The following MCC variants were observed in gnomAD, a reference collection of about 807,000 sequenced individuals.
The protein encoded by MCC is colorectal mutant cancer protein.
Under a neutral mutation model 116.2 loss-of-function variants are expected in MCC, and 90 were observed. The ratio of observed to expected loss-of-function variants is 0.77; its 90% CI spans 0.65 to 0.92. MCC has a LOEUF of 0.92. Among genes scored for constraint, MCC ranks in the 40% least tolerant of loss-of-function variants. The pLI is 0.00. For synonymous variants in MCC, 578 were observed against 510.5 expected (o/e 1.13, Z -1.78); for missense variants, 1,516 against 1,312.2 (o/e 1.16, Z -2.40).
At chr5:113,285,217 A>G (rs186139842) in intron 3 of MCC, among the ~76,000 whole-genome samples, 2 of 152,258 alleles carry the variant, frequency 1.3e-5, no homozygotes, top group East Asian at 3.9e-4. Flanking sequence ...GCCAAAGGAG[A>G]GGCATCTGAC....
At position 113,485,751 on chromosome 5, in the gene MCC, A is replaced by G. The variant is rs536127826; in HGVS notation, c.170+2494T>C. On this transcript the variant is annotated intron_variant, in intron 1 of 18. Coordinates refer to ENST00000408903, the MANE Select transcript of MCC (RefSeq NM_001085377.2). Reference sequence around the variant, plus strand: ...CCTACCTCCAGATTTCTACTAGGTGACAAAGCCAACCCTTACTTGACTATG... The same window carrying G: ...CCTACCTCCAGATTTCTACTAGGTGGCAAAGCCAACCCTTACTTGACTATG... Among the ~76,000 whole-genome samples the G allele has an allele frequency of 2.6e-5, 4 of 152,340 alleles. No individual in the cohort carries two copies. In the East Asian group the frequency reaches 5.8e-4, roughly 22 times the overall value.
chr5:113,469,642 A>G (rs1156648339), intron 1 of MCC, among the ~76,000 whole-genome samples: 1 of 152,198 alleles, frequency 6.6e-6, no homozygotes, highest in East Asian at 1.9e-4. Context: ...TGTGGTGCTG[A>G]AAAGAATGTA....
At chr5:113,063,041 C>G (rs1335196146) in intron 14 of MCC, among the ~76,000 whole-genome samples, 3 of 152,182 alleles carry the variant, frequency 2.0e-5, no homozygotes, top group African/African-American at 7.2e-5. Flanking sequence ...TGCTAAGATC[C>G]CGGGTTCCCA....
intron 3 of MCC, among the ~76,000 whole-genome samples, chr5:113,221,501 A>C (rs1763551052): frequency 6.6e-6 from 1 of 152,246 alleles, no homozygotes; most frequent in African/African-American, 2.4e-5. Flanking sequence ...CTAACAAATT[A>C]GTCATAAGAT....
intron 3 of MCC, among the ~76,000 whole-genome samples, chr5:113,205,217 A>G (rs1473581111): frequency 6.6e-6 from 1 of 152,192 alleles, no homozygotes; most frequent in Non-Finnish European, 1.5e-5. Flanking sequence ...GGGCTGATGC[A>G]GTGAGAAGAG....
At chr5:113,463,948 G>T (rs1032113813) in intron 1 of MCC, among the ~76,000 whole-genome samples, 4 of 152,184 alleles carry the variant, frequency 2.6e-5, no homozygotes, top group Non-Finnish European at 5.9e-5. Flanking sequence ...GAGCCAAAGA[G>T]GTGGGAGAAC....
intron 18 of MCC, among the ~76,000 whole-genome samples, chr5:113,027,727 T>A (rs904939022): frequency 6.6e-6 from 1 of 152,068 alleles, no homozygotes; most frequent in East Asian, 1.9e-4. Flanking sequence ...GGCTGGTCAC[T>A]CTCACATATT....
chr5:113,474,649 G>A (rs1404744283), intron 1 of MCC, among the ~76,000 whole-genome samples: 1 of 152,198 alleles, frequency 6.6e-6, no homozygotes, highest in African/African-American at 2.4e-5. Flanking sequence ...TCAGTGCCGA[G>A]AGTCCTGGAG....
chr5:113,414,844 G>A (rs976606872), intron 1 of MCC, among the ~76,000 whole-genome samples: 4 of 152,182 alleles, frequency 2.6e-5, no homozygotes, highest in Non-Finnish European at 5.9e-5. Flanking sequence ...GTTAGTTGAT[G>A]CAGTTTCTTC....
At position 113,071,207 on chromosome 5, in the gene MCC, A is replaced by C; in HGVS notation, c.1812T>G (p.Asn604Lys). 1 of 1,614,118 alleles carries C rather than the reference A, an allele frequency of 6.2e-7. No homozygotes were observed. Among genetic ancestry groups the C allele is most frequent in the Non-Finnish European group, 8.5e-7 (1 of 1,180,010 alleles). The change falls in exon 12 of 19, where the codon AAT becomes AAG. Residue 604 changes from asparagine to lysine, a missense_variant. Physicochemically the swap from Asn to Lys is moderately conservative, Grantham distance 94. Coordinates refer to ENST00000408903, the MANE Select transcript of MCC (RefSeq NM_001085377.2). ...CCTCCAAGGTTATGGTCAGGAGGTC[A>C]TTTTGGGATTTGAGGTGCTCAATCC... ...NSRIEHLKSQNDLLTITLEEC... is the reference protein window; with the variant it reads ...NSRIEHLKSQKDLLTITLEEC...
intron 3 of MCC, chr5:113,295,020 TG>T (rs950542609): frequency 3.6e-4 from 335 of 928,930 alleles, no homozygotes; most frequent in Admixed American, 6.2e-4. Flanking sequence ...GAGAAAAGGG[TG>T]GGGGCGAGTA....
At chr5:113,472,408 A>G (rs1772118992) in intron 1 of MCC, among the ~76,000 whole-genome samples, 1 of 152,202 alleles carries the variant, frequency 6.6e-6, no homozygotes, top group Non-Finnish European at 1.5e-5. Flanking sequence ...CCTTTTCCTG[A>G]ACCTTCCTAA....
At chr5:113,052,623 T>C (rs1416066918) in intron 15 of MCC, among the ~76,000 whole-genome samples, 1 of 152,126 alleles carries the variant, frequency 6.6e-6, no homozygotes. Context: ...CCAGCTCCCC[T>C]CCACTCTCCA....
At chr5:113,309,878 C>A (rs1767095369) in intron 3 of MCC, among the ~76,000 whole-genome samples, 1 of 150,560 alleles carries the variant, frequency 6.6e-6, no homozygotes, top group South Asian at 2.1e-4. Context: ...CCCTTCCCCC[C>A]TTCCTTTCTT....
At chr5:113,052,564 G>A (rs1217522134) in intron 15 of MCC, among the ~76,000 whole-genome samples, 1 of 152,176 alleles carries the variant, frequency 6.6e-6, no homozygotes, top group Non-Finnish European at 1.5e-5. Context: ...CCAAGGACAG[G>A]GCTGTGCTGA....
intron 13 of MCC, among the ~76,000 whole-genome samples, chr5:113,064,623 C>T (rs1753460871): frequency 6.6e-6 from 1 of 152,124 alleles, no homozygotes; most frequent in South Asian, 2.1e-4. Flanking sequence ...TGGTTAGAGC[C>T]CTGTGTGGGG....
chr5:113,036,546 T>C (rs1331035276), intron 17 of MCC, among the ~76,000 whole-genome samples: 2 of 152,250 alleles, frequency 1.3e-5, no homozygotes, highest in African/African-American at 2.4e-5. Flanking sequence ...AATGAGGTTC[T>C]GCAGGTATGT....
At chr5:113,085,578 A>G (rs1362769659) in intron 8 of MCC, among the ~76,000 whole-genome samples, 1 of 152,252 alleles carries the variant, frequency 6.6e-6, no homozygotes, top group Non-Finnish European at 1.5e-5. Context: ...TATTTGCCTA[A>G]GAGTCACCAT....
At chr5:113,327,403 G>A (rs747835400) in intron 3 of MCC, among the ~76,000 whole-genome samples, 17 of 151,062 alleles carry the variant, frequency 1.1e-4, no homozygotes, top group Admixed American at 4.0e-4. Flanking sequence ...AAAATTTGCC[G>A]GGTGTGGTGG....
Sources: allele counts gnomAD v4.1 joint callset (sites outside exome capture counted in the v4.1 genomes callset), GRCh38; gene constraint gnomAD v4.1.1; transcripts MANE v1.5; gene names NCBI Gene and HGNC (gene_info 2026-07-23, HGNC 2026-07-21).